ENOX1: variants seen among roughly 807,000 people sequenced by gnomAD.
ENOX1 encodes candidate growth-related and time keeping constitutive hydroquinone (NADH) oxidase.
A neutral mutation model predicts 82.5 loss-of-function variants in ENOX1; 42 were observed. The ratio of observed to expected loss-of-function variants is 0.51; its 90% CI spans 0.40 to 0.66. The LOEUF (loss-of-function observed/expected upper bound fraction) is 0.66. Among genes scored for constraint, ENOX1 ranks in the 30% least tolerant of loss-of-function variants. ENOX1 has a pLI of 0.00. For missense variants in ENOX1, 608 were observed against 811.6 expected (o/e 0.75, Z 3.05); for synonymous variants, 271 against 282.2 (o/e 0.96, Z 0.40).
intron 3 of ENOX1, among the ~76,000 whole-genome samples, chr13:43,417,524 T>C (rs1300616079): frequency 6.6e-6 from 1 of 152,250 alleles, no homozygotes; most frequent in African/African-American, 2.4e-5. Flanking sequence ...ATTGTTCCTA[T>C]TGAATACCTG....
At chr13:43,625,091 T>A (rs1479284848) in intron 2 of ENOX1, among the ~76,000 whole-genome samples, 1 of 152,044 alleles carries the variant, frequency 6.6e-6, no homozygotes, top group Non-Finnish European at 1.5e-5. Flanking sequence ...TATACATGTT[T>A]TGTTATATTT....
intron 12 of ENOX1, among the ~76,000 whole-genome samples, chr13:43,287,006 T>A (rs939943905): frequency 6.6e-6 from 1 of 152,088 alleles, no homozygotes; most frequent in African/African-American, 2.4e-5. Flanking sequence ...TGGAAAGCCA[T>A]GGTGTGGGGT....
At chr13:43,462,625 G>T (rs1048531791) in intron 3 of ENOX1, among the ~76,000 whole-genome samples, 10 of 152,166 alleles carry the variant, frequency 6.6e-5, no homozygotes, top group Non-Finnish European at 1.2e-4. Flanking sequence ...TGTTATCACT[G>T]GTGTGAACAA....
chr13:43,373,922 T>A (rs2153569710), intron 5 of ENOX1, among the ~76,000 whole-genome samples: 1 of 152,326 alleles, frequency 6.6e-6, no homozygotes, highest in Admixed American at 6.5e-5. Context: ...TTGGATAATG[T>A]TTTTCTCCAC....
At chr13:43,339,365 C>T (rs566549684) in intron 9 of ENOX1, among the ~76,000 whole-genome samples, 1 of 152,320 alleles carries the variant, frequency 6.6e-6, no homozygotes, top group South Asian at 2.1e-4. Context: ...GAGATAGGTG[C>T]ATCTAATCCA....
At chr13:43,214,160 C>A in intron 16 of ENOX1, 39 bp from the exon 17 acceptor site, 1 of 1,602,306 alleles carries the variant, frequency 6.2e-7, no homozygotes, top group Non-Finnish European at 8.5e-7. Context: ...GGGAAAGGAA[C>A]TCATCTTAAA....
At chr13:43,299,450 AC>A (rs1181478198) in intron 11 of ENOX1, among the ~76,000 whole-genome samples, 2 of 151,890 alleles carry the variant, frequency 1.3e-5, no homozygotes, top group Admixed American at 6.6e-5. Flanking sequence ...CTCACTTCAT[AC>A]CCCCACCAAG....
chr13:43,709,901 A>G (rs73482032), intron 1 of ENOX1, among the ~76,000 whole-genome samples: 3,216 of 152,280 alleles, frequency 0.021, 130 homozygotes, highest in African/African-American at 0.074. Flanking sequence ...AACGGAAAAT[A>G]TTAGGCCCAG....
intron 2 of ENOX1, among the ~76,000 whole-genome samples, chr13:43,633,249 G>A (rs898277341): frequency 6.6e-6 from 1 of 152,158 alleles, no homozygotes; most frequent in Non-Finnish European, 1.5e-5. Context: ...AATGTTCAAT[G>A]TTGATATAAA....
intron 2 of ENOX1, among the ~76,000 whole-genome samples, chr13:43,650,310 C>CTT (rs1028334211): frequency 2.0e-5 from 3 of 152,000 alleles, no homozygotes; most frequent in East Asian, 3.8e-4. Flanking sequence ...TTCTTCTTTG[C>CTT]TTTTTTTTCT....
Position 43,472,363 on chromosome 13 carries a change from G to A in ENOX1, c.-75+11646C>T, listed in dbSNP as rs74069093. 7.0e-3 allele frequency among the ~76,000 whole-genome samples: 1,064 copies of A among 152,212 alleles called. 9 individuals carry two copies. The highest frequency in any genetic ancestry group is 0.022 in the African/African-American group (922 of 41,536). ...TGCATAGAAAAAAATCAGATTCACC[G>A]TGATTTTTTTCTACATGTGAATACC... On this transcript the variant is annotated intron_variant, in intron 3 of 16. Transcript: ENST00000690772.
At chr13:43,308,639 A>G (rs902707848) in intron 11 of ENOX1, among the ~76,000 whole-genome samples, 2 of 152,236 alleles carry the variant, frequency 1.3e-5, no homozygotes, top group South Asian at 2.1e-4. Flanking sequence ...ATTACAGGCC[A>G]GTGGTTTTCA....
At chr13:43,740,170 A>C (rs2089832957) in intron 1 of ENOX1, among the ~76,000 whole-genome samples, 1 of 152,132 alleles carries the variant, frequency 6.6e-6, no homozygotes, top group South Asian at 2.1e-4. Flanking sequence ...TAGAAGAGCG[A>C]CATTTCTGAG....
At position 43,398,593 on chromosome 13, in the gene ENOX1, A is replaced by T. The variant is rs78575817; in HGVS notation, c.208+13323T>A. 1.6e-3 allele frequency among the ~76,000 whole-genome samples: 247 copies of T among 152,224 alleles called. 6 individuals carry two copies. In the East Asian group the frequency reaches 0.039, roughly 24 times the overall value. The stretch of plus-strand genomic sequence containing the variant: ...CTTATCACCAATTTTCTTCAATAAA[A>T]GTTATACTAAGTATGCCTGCCTCTC... On this transcript the variant is annotated intron_variant, in intron 5 of 16. Coordinates refer to ENST00000690772, the MANE Select transcript of ENOX1 (RefSeq NM_001347969.2).
chr13:43,241,464 A>C (rs899729421), intron 14 of ENOX1, among the ~76,000 whole-genome samples: 1 of 152,220 alleles, frequency 6.6e-6, no homozygotes, highest in African/African-American at 2.4e-5. Context: ...TACAAAGTAC[A>C]CAGCGGGACG....
chr13:43,599,489 C>T (rs1295220777), intron 2 of ENOX1, among the ~76,000 whole-genome samples: 2 of 151,954 alleles, frequency 1.3e-5, no homozygotes, highest in East Asian at 3.9e-4. Flanking sequence ...CCAGCCCTAA[C>T]CAGAGAAAAA....
At chr13:43,742,914 TAGA>T (rs1949822564) in intron 1 of ENOX1, among the ~76,000 whole-genome samples, 2 of 10,156 alleles carry the variant, frequency 2.0e-4, no homozygotes, top group South Asian at 0.043. Flanking sequence ...GTGTGTAAAA[TAGA>T]CTGGGAACAG....
chr13:43,304,203 C>T (rs1008764224), intron 11 of ENOX1, among the ~76,000 whole-genome samples: 1 of 152,154 alleles, frequency 6.6e-6, no homozygotes, highest in Non-Finnish European at 1.5e-5. Flanking sequence ...ATAACAGTAG[C>T]AGTAATGGGA....
At chr13:43,564,455 T>C (rs1389087507) in intron 2 of ENOX1, among the ~76,000 whole-genome samples, 2 of 151,650 alleles carry the variant, frequency 1.3e-5, no homozygotes, top group Non-Finnish European at 2.9e-5. Context: ...AAAAAAGAAA[T>C]GCAATGAGGA....
Sources: allele counts gnomAD v4.1 joint callset (sites outside exome capture counted in the v4.1 genomes callset), GRCh38; gene constraint gnomAD v4.1.1; transcripts MANE v1.5; gene names NCBI Gene and HGNC (gene_info 2026-07-23, HGNC 2026-07-21).